The following MAP2K5 variants were observed in gnomAD, a reference collection of about 807,000 sequenced individuals.
The protein encoded by MAP2K5 is mitogen-activated protein kinase kinase 5, also known as dual specificity mitogen-activated protein kinase kinase 5.
In MAP2K5, 49 loss-of-function variants were observed where a neutral mutation model predicts 83.1. That is an observed-to-expected ratio of 0.59 (90% confidence interval 0.47 to 0.75). The LOEUF is 0.75. MAP2K5 is among the 30% of genes least tolerant of loss of function. MAP2K5 has a pLI of 0.00. For synonymous variants in MAP2K5, 202 were observed against 191.8 expected, an observed-to-expected ratio of 1.05 and a Z score of -0.44; for missense variants, 457 against 557.5, an observed-to-expected ratio of 0.82 and a Z score of 1.82.
At chr15:67,712,813 G>A (rs2088725518) in intron 16 of MAP2K5, among the ~76,000 whole-genome samples, 1 of 152,158 alleles carries the variant, frequency 6.6e-6, no homozygotes. Context: ...AGCTACTCAG[G>A]AGGCTGAGGC....
chr15:67,694,516 C>T (rs1461035635), intron 15 of MAP2K5, among the ~76,000 whole-genome samples: 2 of 152,086 alleles, frequency 1.3e-5, no homozygotes, highest in Non-Finnish European at 2.9e-5. Flanking sequence ...AAATGCTCAT[C>T]ATCACTGGCC....
Position 67,748,717 on chromosome 15 carries a change from G to T in MAP2K5, c.1134+116G>T. ...CAACATCCTTGGAGCAAGTTGTGTT[G>T]TATGGCTCTGAGCTATGTTACGTGA... On this transcript the variant is annotated intron_variant, in intron 19 of 21. Transcript: ENST00000178640. This position sits in a 1 kb window ranked among gnomAD's most constrained non-coding sequence, Gnocchi z 4.0. 5.3e-6 allele frequency: 5 copies of T among 950,994 alleles called. No homozygotes were observed. The highest frequency in any genetic ancestry group is 5.0e-6 in the Non-Finnish European group (3 of 605,190). The allele number at this position is 950,994 out of a possible 1,614,324, so 58.9% of individuals were successfully genotyped here.
At chr15:67,791,041 C>G (rs2090508356) in intron 21 of MAP2K5, among the ~76,000 whole-genome samples, 1 of 152,214 alleles carries the variant, frequency 6.6e-6, no homozygotes, top group Admixed American at 6.5e-5. Context: ...GAGAGAGCTC[C>G]TCACGCCATG....
rs1358113411 is a variant in MAP2K5 at position 67,572,671 on chromosome 15, T to C, written c.253-8083T>C. On this transcript the variant is annotated intron_variant, in intron 3 of 21. Transcript: ENST00000178640. This position sits in a 1 kb window ranked among gnomAD's most constrained non-coding sequence, Gnocchi z 4.2. ...GTGATAAAGGATTCATTTTCTTAAT[T>C]ACTATATTTTGCAAGAATTGATATT... Among the ~76,000 whole-genome samples the C allele has an allele frequency of 6.6e-6, 1 of 151,830 alleles. No homozygotes were observed. The highest frequency in any genetic ancestry group is 1.5e-5 in the Non-Finnish European group (1 of 67,978).
chr15:67,718,571 C>G (rs760861881), intron 16 of MAP2K5, among the ~76,000 whole-genome samples: 2 of 152,036 alleles, frequency 1.3e-5, no homozygotes, highest in Non-Finnish European at 2.9e-5. Context: ...TGAGACCAGC[C>G]TGGCCAACAT....
Position 67,543,204 on chromosome 15 carries a change from C to A in MAP2K5, c.-132C>A, listed in dbSNP as rs1596536914. 2.2e-6 allele frequency: 2 copies of A among 916,954 alleles called. No individual in the cohort carries two copies. Among genetic ancestry groups the A allele is most frequent in the East Asian group, 2.5e-5 (1 of 40,748 alleles). The allele number at this position is 916,954 out of a possible 1,614,324, so 56.8% of individuals were successfully genotyped here. On this transcript the variant is annotated 5_prime_UTR_variant, in exon 1 of 22. Coordinates refer to ENST00000178640, the MANE Select transcript of MAP2K5 (RefSeq NM_145160.3). The surrounding 1 kb of genome is among the most constrained non-coding windows in gnomAD (Gnocchi z 4.3). Reference sequence around the variant, plus strand: ...ATCACCCCTCCCCTCTTCCCTCCCCCTCATCCTCCATTCCCTTGTTTTCAC... The same window carrying A: ...ATCACCCCTCCCCTCTTCCCTCCCCATCATCCTCCATTCCCTTGTTTTCAC...
At chr15:67,642,296 T>G in intron 9 of MAP2K5, 1 of 562,248 alleles carries the variant, frequency 1.8e-6, no homozygotes, top group Non-Finnish European at 3.0e-6. Context: ...CATCACTTAC[T>G]AGGCACTACT....
intron 8 of MAP2K5, among the ~76,000 whole-genome samples, chr15:67,620,260 A>G (rs1231750484): frequency 2.0e-5 from 3 of 152,110 alleles, no homozygotes; most frequent in South Asian, 4.1e-4. Context: ...AGACCCAGCT[A>G]TTCGGGAGGC....
chr15:67,545,794 G>A (rs1247927636), intron 1 of MAP2K5, among the ~76,000 whole-genome samples: 2 of 152,116 alleles, frequency 1.3e-5, no homozygotes, highest in Non-Finnish European at 2.9e-5. Flanking sequence ...CTACCTCCTA[G>A]AGTTCTGAGG....
At chr15:67,611,680 C>T (rs2141046001) in intron 8 of MAP2K5, among the ~76,000 whole-genome samples, 2 of 152,222 alleles carry the variant, frequency 1.3e-5, no homozygotes, top group South Asian at 4.1e-4. Context: ...AATGGATTTC[C>T]CTGAGGATTC....
intron 17 of MAP2K5, among the ~76,000 whole-genome samples, chr15:67,745,624 A>G (rs989786513): frequency 2.6e-4 from 40 of 152,366 alleles, no homozygotes; most frequent in African/African-American, 9.4e-4. Context: ...CTGTGGCATT[A>G]AATTTTCTGG....
chr15:67,658,528 T>C, intron 11 of MAP2K5, 25 bp from the exon 12 acceptor site: 1 of 1,584,232 alleles, frequency 6.3e-7, no homozygotes, highest in African/African-American at 1.3e-5. Context: ...TCATTTGTAG[T>C]AACATGGCAT....
rs769219649 is a variant in MAP2K5, at chr15:67,736,865, A to G, written c.1074+8920A>G. On this transcript the variant is annotated intron_variant, in intron 17 of 21. Coordinates refer to ENST00000178640, the MANE Select transcript of MAP2K5 (RefSeq NM_145160.3). The surrounding 1 kb of genome is among the most constrained non-coding windows in gnomAD (Gnocchi z 4.3). ...TCTCTCCCTTTGCTTTTATTGATGC[A>G]GTCTGCTACTTTATGGAATCATAGG... is the stretch of plus-strand genomic sequence containing the variant. Among the ~76,000 whole-genome samples the G allele has an allele frequency of 6.6e-6, 1 of 152,208 alleles. No homozygotes were observed. The highest frequency in any genetic ancestry group is 1.5e-5 in the Non-Finnish European group (1 of 68,040).
intron 13 of MAP2K5, among the ~76,000 whole-genome samples, chr15:67,666,713 T>G (rs559304551): frequency 6.6e-6 from 1 of 152,300 alleles, no homozygotes; most frequent in South Asian, 2.1e-4. Context: ...TTTCAGTTGG[T>G]GCTGGCCAGC....
chr15:67,731,636 G>T (rs1450980588), intron 17 of MAP2K5, among the ~76,000 whole-genome samples: 1 of 152,126 alleles, frequency 6.6e-6, no homozygotes, highest in Non-Finnish European at 1.5e-5. Context: ...ACCTGACTCA[G>T]GCTGTGCATT....
intron 8 of MAP2K5, among the ~76,000 whole-genome samples, chr15:67,611,735 T>A (rs947023894): frequency 3.0e-4 from 45 of 152,352 alleles, no homozygotes; most frequent in Middle Eastern, 3.4e-3. Context: ...CAGGCTTTTT[T>A]AATTCTTAGT....
chr15:67,748,738 C>T lies in MAP2K5; in HGVS notation c.1134+137C>T, dbSNP rs962502055. ...TGTTGTATGGCTCTGAGCTATGTTACGTGAACTGGCCTTGTCCTGAATCCC... is the reference window on the plus strand; with the variant it reads ...TGTTGTATGGCTCTGAGCTATGTTATGTGAACTGGCCTTGTCCTGAATCCC... On this transcript the variant is annotated intron_variant, in intron 19 of 21. Transcript: ENST00000178640. This position sits in a 1 kb window ranked among gnomAD's most constrained non-coding sequence, Gnocchi z 4.0. 19 of 708,330 alleles carry T rather than the reference C, an allele frequency of 2.7e-5. No individual in the cohort carries two copies. Among genetic ancestry groups the T allele is most frequent in the African/African-American group, 9.0e-5 (5 of 55,644 alleles). 43.9% of individuals were successfully genotyped at this position (708,330 alleles called of 1,614,324 possible).
rs571156680 is a variant in MAP2K5 at position 67,655,508 on chromosome 15, A to T, written c.737-3045A>T. 1.3e-3 allele frequency among the ~76,000 whole-genome samples: 153 copies of T among 118,316 alleles called. 2 individuals are homozygous for T. Among genetic ancestry groups the T allele is most frequent in the South Asian group, 3.2e-3 (10 of 3,078 alleles). The allele number at this position is 118,316 out of a possible 152,430, so 77.6% of individuals were successfully genotyped here. On this transcript the variant is annotated intron_variant, in intron 11 of 21. Transcript: ENST00000178640. ...TTGCTGGATATAGAATTTTTGGTTT[A>T]TAATCTTTTTCTTTCATGTTCAAAT...
At chr15:67,739,486 T>A (rs1320605776) in intron 17 of MAP2K5, among the ~76,000 whole-genome samples, 36 of 56,106 alleles carry the variant, frequency 6.4e-4, no homozygotes, top group Middle Eastern at 7.2e-3. Context: ...TTTTTTTTTT[T>A]TTTTTTTTTT....
Sources: allele counts gnomAD v4.1 joint callset (sites outside exome capture counted in the v4.1 genomes callset), GRCh38; gene constraint gnomAD v4.1.1; non-coding constraint Gnocchi (gnomAD v3.1); transcripts MANE v1.5; gene names NCBI Gene and HGNC (gene_info 2026-07-23, HGNC 2026-07-21).